The following CFAP57 variants were observed in gnomAD, a reference collection of about 807,000 sequenced individuals.
CFAP57 encodes the protein cilia and flagella associated protein 57.
A neutral mutation model predicts 146.8 loss-of-function variants in CFAP57; 116 were observed. The observed-to-expected ratio is 0.79, with a 90% CI of 0.68 to 0.92. CFAP57 has a LOEUF of 0.92. Among genes scored for constraint, CFAP57 ranks in the 40% least tolerant of loss-of-function variants. The pLI is 0.00. For missense variants in CFAP57, 1,377 were observed against 1,527.2 expected (o/e 0.90, Z 1.64); for synonymous variants, 518 against 552.8 (o/e 0.94, Z 0.88).
intron 21 of CFAP57, 108 bp from the exon 22 acceptor site, chr1:43,243,119 C>T: frequency 7.6e-7 from 1 of 1,312,052 alleles, no homozygotes; most frequent in Non-Finnish European, 1.0e-6. Context: ...GTTCTGGATC[C>T]AGACCTAACC....
chr1:43,216,638 C>T (rs1258130369), intron 12 of CFAP57, among the ~76,000 whole-genome samples: 1 of 152,176 alleles, frequency 6.6e-6, no homozygotes, highest in East Asian at 1.9e-4. Context: ...TTGAAACTCC[C>T]TTCTGTCTTA....
intron 9 of CFAP57, among the ~76,000 whole-genome samples, chr1:43,205,762 G>T (rs1413958180): frequency 6.6e-6 from 1 of 152,096 alleles, no homozygotes; most frequent in Non-Finnish European, 1.5e-5. Flanking sequence ...TCCCTTTCCA[G>T]ACCGAAACCA....
In CFAP57 at chr1:43,238,666, C is replaced by CT; in HGVS notation, c.3405+4028_3405+4029insT. Reference sequence around the variant, plus strand: ...CCTCGGGACCCCTCGGAACACAGGCCACCCCAGAAAACATTTTGCAGGTAG... The same window carrying CT: ...CCTCGGGACCCCTCGGAACACAGGCCTACCCCAGAAAACATTTTGCAGGTAG... On this transcript the variant is annotated intron_variant, in intron 21 of 22. Coordinates refer to ENST00000372492, the MANE Select transcript of CFAP57 (RefSeq NM_001378189.1). This position sits in a 1 kb window ranked among gnomAD's most constrained non-coding sequence, Gnocchi z 4.3. Among the ~76,000 whole-genome samples, 2 of 152,276 alleles carry CT rather than the reference C, an allele frequency of 1.3e-5. No individual in the cohort carries two copies. The highest frequency in any genetic ancestry group is 4.1e-4 in the South Asian group (2 of 4,820).
chr1:43,185,081 C>G (rs375384538), intron 4 of CFAP57, 68 bp from the exon 5 acceptor site: 1 of 1,550,876 alleles, frequency 6.4e-7, no homozygotes. Flanking sequence ...CTTCTTTCTC[C>G]TCCCCAGCAG....
In CFAP57 at chr1:43,172,381, G is replaced by C. The variant is rs1644996304; in HGVS notation, c.-92G>C. The C allele has an allele frequency of 1.3e-6, 2 of 1,551,436 alleles. No individual in the cohort carries two copies. The highest frequency in any genetic ancestry group is 2.0e-5 in the Admixed American group (1 of 50,968). ...ACCGCTACGGCGTTTGAAAGTGTCC[G>C]GGTTGCTTAGGATCCCTACAGGTAG... On this transcript the variant is annotated 5_prime_UTR_variant, in exon 1 of 23. Coordinates refer to ENST00000372492, the MANE Select transcript of CFAP57 (RefSeq NM_001378189.1).
chr1:43,226,426 G>C (rs1166553499), intron 17 of CFAP57, among the ~76,000 whole-genome samples: 1 of 152,138 alleles, frequency 6.6e-6, no homozygotes, highest in Non-Finnish European at 1.5e-5. Context: ...CTTTTGATCA[G>C]AGCCCCTAAT....
chr1:43,253,417 A>G (rs1646369636), intron 22 of CFAP57, among the ~76,000 whole-genome samples: 1 of 152,190 alleles, frequency 6.6e-6, no homozygotes, highest in Non-Finnish European at 1.5e-5. Context: ...CTAATGCTGC[A>G]AGTTCAGCCT....
intron 17 of CFAP57, among the ~76,000 whole-genome samples, chr1:43,226,291 C>T (rs974223361): frequency 6.6e-6 from 1 of 152,212 alleles, no homozygotes; most frequent in African/African-American, 2.4e-5. Flanking sequence ...TCTGGGGCCT[C>T]AGCTGGGAAT....
At chr1:43,213,975 C>G (rs748030901) in intron 11 of CFAP57, among the ~76,000 whole-genome samples, 11 of 151,916 alleles carry the variant, frequency 7.2e-5, no homozygotes, top group Admixed American at 1.3e-4. Flanking sequence ...CAACCTCCCC[C>G]TCCTGGGTTC....
At position 43,172,330 on chromosome 1, in the gene CFAP57, A is replaced by G. The variant is rs767584684; in HGVS notation, c.-143A>G. ...ACTTCCGCTTCCGGCGGCAAACCATACTTCCGGTTTGTCGTTGCTATAGGA... is the reference window on the plus strand; with the variant it reads ...ACTTCCGCTTCCGGCGGCAAACCATGCTTCCGGTTTGTCGTTGCTATAGGA... On this transcript the variant is annotated 5_prime_UTR_variant, in exon 1 of 23. Transcript: ENST00000372492. 6.4e-7 allele frequency: 1 copy of G among 1,551,424 alleles called. No homozygotes were observed. The highest frequency in any genetic ancestry group is 1.4e-5 in the African/African-American group (1 of 72,994).
At chr1:43,183,009 C>T (rs753556757) in intron 3 of CFAP57, among the ~76,000 whole-genome samples, 1 of 152,226 alleles carries the variant, frequency 6.6e-6, no homozygotes, top group Non-Finnish European at 1.5e-5. Context: ...CCACAGCCCC[C>T]GGTCAGCCGC....
intron 7 of CFAP57, 46 bp downstream of exon 7, chr1:43,197,738 TG>T: frequency 6.2e-7 from 1 of 1,600,392 alleles, no homozygotes. Flanking sequence ...AGACCCCAGT[TG>T]TGAATTTATG....
At chr1:43,210,391 C>G (rs1167136312) in intron 11 of CFAP57, 1 of 1,236,944 alleles carries the variant, frequency 8.1e-7, no homozygotes, top group South Asian at 2.1e-5. Context: ...AAAGTAGTAT[C>G]TATGTTCAAC....
At chr1:43,197,092 G>A (rs1569993671) in intron 6 of CFAP57, among the ~76,000 whole-genome samples, 1 of 152,248 alleles carries the variant, frequency 6.6e-6, no homozygotes, top group Non-Finnish European at 1.5e-5. Flanking sequence ...GGTGGCTCAC[G>A]CCTGTAATCC....
intron 4 of CFAP57, 79 bp from the exon 5 acceptor site, chr1:43,185,070 T>C (rs598336): frequency 0.39 from 574,700 of 1,487,942 alleles, 115,748 homozygotes; most frequent in African/African-American, 0.66. Context: ...CCAGTGACAG[T>C]CTTCTTTCTC....
chr1:43,195,736 G>A (rs1643835397), intron 6 of CFAP57, among the ~76,000 whole-genome samples: 1 of 152,084 alleles, frequency 6.6e-6, no homozygotes, highest in Non-Finnish European at 1.5e-5. Context: ...TGAGAAAAAA[G>A]TAAAAGTACA....
At chr1:43,180,240 A>ATATATATATATATATATAT (rs1557726343) in intron 2 of CFAP57, among the ~76,000 whole-genome samples, 1 of 121,554 alleles carries the variant, frequency 8.2e-6, no homozygotes, top group African/African-American at 3.0e-5. Flanking sequence ...TATATATATA[A>ATATATATATATATATATAT]AATATATATA....
At position 43,215,347 on chromosome 1, in the gene CFAP57, A is replaced by C; in HGVS notation, c.2022A>C (p.Gly674=). 6.4e-7 allele frequency: 1 copy of C among 1,551,250 alleles called. No homozygotes were observed. Among genetic ancestry groups the C allele is most frequent in the South Asian group, 1.2e-5 (1 of 84,062 alleles). ...TWKVFDKDGR[G]IKREREVGFA... ...AGGTCTTTGATAAGGATGGCCGGGG[A>C]ATCAAGCGAGAGAGGGAGGTGGGCT... The change falls in exon 12 of 23, where the codon GGA becomes GGC. Residue 674 remains glycine (G), a synonymous_variant. Coordinates refer to ENST00000372492, the MANE Select transcript of CFAP57 (RefSeq NM_001378189.1).
At position 43,186,779 on chromosome 1, in the gene CFAP57, C is replaced by T; in HGVS notation, c.1042C>T (p.Pro348Ser). 6.2e-7 allele frequency: 1 copy of T among 1,614,134 alleles called. No homozygotes were observed. The highest frequency in any genetic ancestry group is 8.5e-7 in the Non-Finnish European group (1 of 1,180,036). The change falls in exon 6 of 23, where the codon CCC (proline) becomes TCC (serine). Residue 348 changes from proline to serine, a missense_variant. Physicochemically the swap from Pro to Ser is moderately conservative, Grantham distance 74. Coordinates refer to ENST00000372492, the MANE Select transcript of CFAP57 (RefSeq NM_001378189.1). Reference protein sequence around the residue: ...KQDVLCLCFSPSEETLVASTS... With the variant: ...KQDVLCLCFSSSEETLVASTS... ...GGACGTTCTCTGCCTGTGCTTCAGC[C>T]CCTCAGAGGAAACTCTGGTTGCCAG...
Sources: allele counts gnomAD v4.1 joint callset (sites outside exome capture counted in the v4.1 genomes callset), GRCh38; gene constraint gnomAD v4.1.1; non-coding constraint Gnocchi (gnomAD v3.1); transcripts MANE v1.5; gene names NCBI Gene and HGNC (gene_info 2026-07-23, HGNC 2026-07-21).